Variants in DZANK1 observed in about 807,000 individuals in gnomAD.
The protein encoded by DZANK1 is double zinc ribbon and ankyrin repeat-containing protein 1.
Under a neutral mutation model 94.5 loss-of-function variants are expected in DZANK1, and 91 were observed. The observed-to-expected ratio is 0.96, with a 90% confidence interval of 0.81 to 1.15. The LOEUF is 1.15. Among genes scored for constraint, DZANK1 ranks in the 50% most tolerant of loss-of-function variants. The pLI is 0.00. For missense variants in DZANK1, 903 were observed against 916.4 expected, an observed-to-expected ratio of 0.99 and a Z score of 0.19; for synonymous variants, 312 against 325.3, an observed-to-expected ratio of 0.96 and a Z score of 0.44.
intron 8 of DZANK1, among the ~76,000 whole-genome samples, chr20:18,437,236 T>C (rs910605360): frequency 6.6e-5 from 10 of 152,200 alleles, no homozygotes; most frequent in Admixed American, 6.5e-4. Context: ...TTATGGTTAT[T>C]ACATAAAAGA....
At chr20:18,410,110 A>C (rs1283179508) in intron 13 of DZANK1, among the ~76,000 whole-genome samples, 1 of 152,022 alleles carries the variant, frequency 6.6e-6, no homozygotes, top group Non-Finnish European at 1.5e-5. Context: ...CAAAGGAATA[A>C]ATTAAGAGAA....
chr20:18,401,563 G>A (rs1752089003), intron 13 of DZANK1, among the ~76,000 whole-genome samples: 4 of 152,280 alleles, frequency 2.6e-5, no homozygotes, highest in Admixed American at 1.3e-4. Context: ...CTCAAATAGG[G>A]CTATGGGATC....
chr20:18,443,615 C>T (rs774817209), intron 7 of DZANK1, among the ~76,000 whole-genome samples, 151 bp from the exon 8 acceptor site: 18 of 152,190 alleles, frequency 1.2e-4, no homozygotes, highest in Non-Finnish European at 2.2e-4. Context: ...ACAGGAAATA[C>T]TTATCTAGGT....
chr20:18,417,034 C>CAAAAAAAAAAAAAAAAAAAAAAA (rs55889297), intron 10 of DZANK1, among the ~76,000 whole-genome samples: 1 of 139,930 alleles, frequency 7.1e-6, no homozygotes, highest in Non-Finnish European at 1.5e-5. Flanking sequence ...CAAAAAAAAA[C>CAAAAAAAAAAAAAAAAAAAAAAA]AAAAAAAAAA....
intron 2 of DZANK1, among the ~76,000 whole-genome samples, chr20:18,462,873 G>C (rs2059519959): frequency 1.3e-5 from 2 of 151,256 alleles, no homozygotes; most frequent in Non-Finnish European, 2.9e-5. Context: ...AGGAGGCGGA[G>C]GTTGCAGTGA....
At position 18,400,650 on chromosome 20, in the gene DZANK1, T is replaced by C. The variant is rs542649634; in HGVS notation, c.1433-2024A>G. Among the ~76,000 whole-genome samples the C allele has an allele frequency of 8.4e-4, 128 of 152,332 alleles. 2 individuals are homozygous for C. In the South Asian group the frequency reaches 0.026, roughly 31 times the overall value. ...GAAAACAAGCAGGCTGAGATCTGGC[T>C]TGGGGCATCTGGAGAGTCCACTATG... On this transcript the variant is annotated intron_variant, in intron 13 of 20. Coordinates refer to ENST00000262547, the Ensembl canonical transcript of DZANK1.
At chr20:18,418,305 G>T (rs2057596683) in intron 10 of DZANK1, among the ~76,000 whole-genome samples, 3 of 152,138 alleles carry the variant, frequency 2.0e-5, no homozygotes, top group Admixed American at 2.0e-4. Flanking sequence ...TGAAGCTGGG[G>T]AATATTTGGC....
rs1339444801 is a variant in DZANK1 at position 18,441,035 on chromosome 20, T to C, written c.747+2312A>G. Among the ~76,000 whole-genome samples, 1 of 152,220 alleles carries C rather than the reference T, an allele frequency of 6.6e-6. No homozygotes were observed. On this transcript the variant is annotated intron_variant, in intron 8 of 20. Coordinates refer to ENST00000262547, the Ensembl canonical transcript of DZANK1. This position sits in a 1 kb window ranked among gnomAD's most constrained non-coding sequence, Gnocchi z 4.1. ...TAGGAGCCCTCTGGTTCCTGCACCA[T>C]GACTTAAAGGTCCTGAGCTTGTCGT...
rs150742076 is a variant in DZANK1, at chr20:18,420,513, G to A, written c.955-5064C>T. 931 of 188,904 alleles carry A rather than the reference G, an allele frequency of 4.9e-3. 11 individuals are homozygous for A. The highest frequency in any genetic ancestry group is 0.02 in the African/African-American group (874 of 42,986). 11.7% of individuals were successfully genotyped at this position (188,904 alleles called of 1,614,324 possible). A position where few individuals can be genotyped will look rare whatever the true frequency, so the allele number is the denominator to read the frequency against. On this transcript the variant is annotated intron_variant, in intron 10 of 20. Coordinates refer to ENST00000262547, the Ensembl canonical transcript of DZANK1. Reference sequence around the variant, plus strand: ...TACTTATCTGGGCTGTCTGTGCCTCGCACCCACTCCATAAACTTTTGGGTT... The same window carrying A: ...TACTTATCTGGGCTGTCTGTGCCTCACACCCACTCCATAAACTTTTGGGTT...
chr20:18,393,799 C>A, exon 17 of DZANK1: 4 of 1,610,858 alleles, frequency 2.5e-6, no homozygotes, highest in Non-Finnish European at 2.5e-6. Context: ...GGTACTCTGG[C>A]TGTAGTCACT....
chr20:18,425,048 T>C (rs2057977051), intron 10 of DZANK1, among the ~76,000 whole-genome samples: 2 of 152,316 alleles, frequency 1.3e-5, no homozygotes, highest in South Asian at 4.1e-4. Flanking sequence ...GAAAGAAGAA[T>C]GAGAAAACTT....
exon 3 of DZANK1, chr20:18,460,251 T>C (rs775442879): frequency 6.3e-6 from 10 of 1,592,750 alleles, no homozygotes; most frequent in Admixed American, 1.7e-5. Context: ...CAATTCTCTT[T>C]AGAAATTCAG....
chr20:18,436,942 T>C (rs2058547551), intron 8 of DZANK1, among the ~76,000 whole-genome samples: 1 of 152,082 alleles, frequency 6.6e-6, no homozygotes, highest in Non-Finnish European at 1.5e-5. Flanking sequence ...CAGCAAACCA[T>C]CCTTCAAAAA....
intron 15 of DZANK1, chr20:18,394,621 A>C: frequency 1.6e-6 from 1 of 622,964 alleles, no homozygotes; most frequent in Non-Finnish European, 3.0e-6. Context: ...GACCATCACA[A>C]TAGCCTTTCA....
At chr20:18,457,719 T>C (rs966513992) in intron 3 of DZANK1, among the ~76,000 whole-genome samples, 1 of 152,160 alleles carries the variant, frequency 6.6e-6, no homozygotes, top group Non-Finnish European at 1.5e-5. Flanking sequence ...TCTTTAAAGG[T>C]ACAATCTTAA....
chr20:18,386,767 C>T (rs1314163414), intron 19 of DZANK1, among the ~76,000 whole-genome samples: 1 of 151,990 alleles, frequency 6.6e-6, no homozygotes, highest in African/African-American at 2.4e-5. Context: ...TTTTTCCTAA[C>T]CTAAAGAAAG....
At chr20:18,404,122 A>G (rs2056832476) in intron 13 of DZANK1, among the ~76,000 whole-genome samples, 1 of 150,276 alleles carries the variant, frequency 6.7e-6, no homozygotes, top group South Asian at 2.1e-4. Context: ...GAACATTATG[A>G]GATTTTTTTT....
chr20:18,386,801 G>A (rs978364295), intron 19 of DZANK1, among the ~76,000 whole-genome samples: 5 of 152,206 alleles, frequency 3.3e-5, no homozygotes, highest in African/African-American at 1.2e-4. Context: ...AATTGAAAAG[G>A]CCAACTGGGT....
intron 7 of DZANK1, among the ~76,000 whole-genome samples, 160 bp downstream of exon 7, chr20:18,448,824 A>G (rs913315625): frequency 6.9e-4 from 102 of 148,376 alleles, no homozygotes; most frequent in Non-Finnish European, 1.3e-3. Context: ...CCAAAACTGC[A>G]CCACCGCACT....
Sources: allele counts gnomAD v4.1 joint callset (sites outside exome capture counted in the v4.1 genomes callset), GRCh38; gene constraint gnomAD v4.1.1; non-coding constraint Gnocchi (gnomAD v3.1); transcripts MANE v1.5; gene names NCBI Gene and HGNC (gene_info 2026-07-23, HGNC 2026-07-21).